The following FAM228B variants were observed in gnomAD, a reference collection of about 807,000 sequenced individuals.
FAM228B encodes family with sequence similarity 228 member B.
In FAM228B, 38 loss-of-function variants were observed where a neutral mutation model predicts 42.6. The ratio of observed to expected loss-of-function variants is 0.89; its 90% CI spans 0.69 to 1.17. The LOEUF is 1.17. Among genes scored for constraint, FAM228B ranks in the 50% most tolerant of loss-of-function variants. FAM228B has a pLI of 0.00. For synonymous variants in FAM228B, 109 were observed against 122.3 expected (o/e 0.89, Z 0.72); for missense variants, 344 against 367.3 (o/e 0.94, Z 0.52).
At chr2:24,079,395 C>T in intron 1 of FAM228B, 1 of 1,587,870 alleles carries the variant, frequency 6.3e-7, no homozygotes, top group Non-Finnish European at 8.6e-7. Context: ...GTAAATGAAC[C>T]ACACTTTTCT....
At chr2:24,142,550 T>G (rs981860875) in intron 5 of FAM228B, 3 of 152,260 alleles carry the variant, frequency 2.0e-5, no homozygotes, top group Non-Finnish European at 4.4e-5. Context: ...TACTGAAATA[T>G]GGATGATTGC....
intron 3 of FAM228B, among the ~76,000 whole-genome samples, chr2:24,101,495 T>A (rs1162338771): frequency 2.0e-5 from 3 of 152,052 alleles, no homozygotes; most frequent in Admixed American, 1.3e-4. Context: ...AGTCCACAAT[T>A]GATCAAAACA....
chr2:24,093,325 C>T (rs751864851), intron 2 of FAM228B, among the ~76,000 whole-genome samples: 3 of 152,028 alleles, frequency 2.0e-5, no homozygotes, highest in South Asian at 2.1e-4. Flanking sequence ...CAACAGGCCC[C>T]GGTGTGTGAT....
In FAM228B at chr2:24,107,997, A is replaced by T. The variant is rs545342098; in HGVS notation, c.-121+12768A>T. On this transcript the variant is annotated intron_variant, in intron 3 of 10. Coordinates refer to the FAM228B transcript ENST00000613899. ...AACAAATCCAGAAATCGGTTCTTTG[A>T]AAGAAATTAATCAGATAGATAGATC... Among the ~76,000 whole-genome samples the T allele has an allele frequency of 6.6e-5, 10 of 152,308 alleles. 1 individual carries two copies. In the South Asian group the frequency reaches 2.1e-3, roughly 32 times the overall value.
At chr2:24,129,285 CTG>C (rs1413649186) in intron 2 of FAM228B, among the ~76,000 whole-genome samples, 2 of 151,612 alleles carry the variant, frequency 1.3e-5, no homozygotes, top group East Asian at 1.9e-4. Flanking sequence ...ATCTTGGAAA[CTG>C]TTGTTTCATC....
intron 2 of FAM228B, among the ~76,000 whole-genome samples, chr2:24,092,935 C>CACAG (rs1665421016): frequency 6.7e-6 from 1 of 150,132 alleles, no homozygotes; most frequent in Non-Finnish European, 1.5e-5. Context: ...CACACACACA[C>CACAG]ACACACACAC....
At chr2:24,108,831 G>A (rs1222621816) in intron 3 of FAM228B, among the ~76,000 whole-genome samples, 3 of 151,552 alleles carry the variant, frequency 2.0e-5, no homozygotes, top group Non-Finnish European at 4.4e-5. Flanking sequence ...AACCTGGGAG[G>A]CGGAGCTTGC....
chr2:24,147,342 T>A (rs1013015442), intron 7 of FAM228B, among the ~76,000 whole-genome samples: 1 of 152,112 alleles, frequency 6.6e-6, no homozygotes, highest in Non-Finnish European at 1.5e-5. Context: ...TTAGCTAGAT[T>A]ATGATCTGTT....
intron 3 of FAM228B, among the ~76,000 whole-genome samples, chr2:24,102,144 C>G (rs1040665347): frequency 3.3e-5 from 5 of 152,154 alleles, no homozygotes; most frequent in Non-Finnish European, 7.4e-5. Context: ...TTTCAATGCT[C>G]TATTAGCTGA....
chr2:24,102,229 A>G (rs1311078160), intron 3 of FAM228B, among the ~76,000 whole-genome samples: 1 of 152,218 alleles, frequency 6.6e-6, no homozygotes, highest in Non-Finnish European at 1.5e-5. Flanking sequence ...ACTCAGTCAC[A>G]AGTGTCACTC....
At chr2:24,097,731 G>A (rs1018512934) in intron 3 of FAM228B, among the ~76,000 whole-genome samples, 3 of 152,154 alleles carry the variant, frequency 2.0e-5, no homozygotes, top group African/African-American at 7.2e-5. Flanking sequence ...CAACGAGACA[G>A]AAGGTTAACA....
At chr2:24,139,514 T>C (rs1666698068) in intron 5 of FAM228B, 64 bp downstream of exon 5, 5 of 921,082 alleles carry the variant, frequency 5.4e-6, no homozygotes, top group Middle Eastern at 4.2e-4. Flanking sequence ...GCAGCCCTAA[T>C]ATATGAGCAG....
intron 7 of FAM228B, among the ~76,000 whole-genome samples, chr2:24,155,512 T>C (rs1478225512): frequency 2.5e-4 from 5 of 19,788 alleles, no homozygotes; most frequent in Admixed American, 8.6e-4. Context: ...TGCATATATA[T>C]ATATATATAT....
Position 24,095,279 on chromosome 2 carries a change from G to A in FAM228B, c.-121+50G>A, listed in dbSNP as rs1285353678. 6.6e-6 allele frequency: 1 copy of A among 152,238 alleles called. No individual in the cohort carries two copies. Among genetic ancestry groups the A allele is most frequent in the African/African-American group, 2.4e-5 (1 of 41,442 alleles). 9.4% of individuals were successfully genotyped at this position (152,238 alleles called of 1,614,324 possible). On this transcript the variant is annotated intron_variant, in intron 3 of 10. Transcript: ENST00000613899. This position sits in a 1 kb window ranked among gnomAD's most constrained non-coding sequence, Gnocchi z 4.8. The stretch of plus-strand genomic sequence containing the variant: ...TGGTTTGACAGTGGGTGCAGCCCAC[G>A]GATGGGGAGCTGAAGCAGGGCAGGG...
chr2:24,166,292 C>T (rs974007374), intron 9 of FAM228B: 1 of 151,956 alleles, frequency 6.6e-6, no homozygotes, highest in Non-Finnish European at 1.5e-5. Context: ...CCTCCCCACT[C>T]CCAGTTAGAA....
chr2:24,124,614 T>C (rs1666257521), intron 2 of FAM228B, among the ~76,000 whole-genome samples, 154 bp downstream of exon 2: 1 of 152,228 alleles, frequency 6.6e-6, no homozygotes, highest in African/African-American at 2.4e-5. Flanking sequence ...TATATTCACT[T>C]TGCTGTTTTT....
upstream of FAM228B, among the ~76,000 whole-genome samples, chr2:24,122,059 C>T (rs1015902106): frequency 2.6e-5 from 4 of 152,102 alleles, no homozygotes; most frequent in Non-Finnish European, 4.4e-5. Flanking sequence ...GGGCTGGGCA[C>T]GGTGGCTCAT....
At chr2:24,114,498 T>C (rs577240579) in intron 3 of FAM228B, among the ~76,000 whole-genome samples, 3 of 152,172 alleles carry the variant, frequency 2.0e-5, no homozygotes, top group Non-Finnish European at 4.4e-5. Flanking sequence ...TATCTTGGCC[T>C]GTGTAGAACC....
chr2:24,087,777 A>AT (rs34256592), intron 2 of FAM228B, among the ~76,000 whole-genome samples: 2,033 of 128,194 alleles, frequency 0.016, 34 homozygotes, highest in African/African-American at 0.04. Flanking sequence ...CACCAGGGTA[A>AT]TTTTTTTTTT....
Sources: gnomAD v4.1 joint callset for allele counts (sites outside exome capture counted in the v4.1 genomes callset) on GRCh38, gnomAD v4.1.1 for gene constraint, Gnocchi (gnomAD v3.1) non-coding constraint, MANE v1.5 for transcripts, NCBI Gene and HGNC (gene_info 2026-07-23, HGNC 2026-07-21) for gene names.